TSPAN8: variants seen among roughly 807,000 people sequenced by gnomAD.
TSPAN8 encodes tetraspanin 8, also known as tetraspanin-8.
TSPAN8 carries 21 observed loss-of-function variants against 32.8 expected under a neutral mutation model. That is an observed-to-expected ratio of 0.64 (90% confidence interval 0.45 to 0.92). The LOEUF is 0.92. TSPAN8 is among the 40% of genes least tolerant of loss of function. The pLI is 0.00. For missense variants in TSPAN8, 269 were observed against 281.9 expected (o/e 0.95, Z 0.33); for synonymous variants, 95 against 94.6 (o/e 1.00, Z -0.03).
In TSPAN8 at chr12:71,126,037, C is replaced by T. The variant is rs573267975; in HGVS notation, c.661-650G>A. Among the ~76,000 whole-genome samples, 4 of 152,246 alleles carry T rather than the reference C, an allele frequency of 2.6e-5. No homozygotes were observed. In the South Asian group the frequency reaches 8.3e-4, roughly 32 times the overall value. ...GGACCCCAAAATTTGCTCTAATTGG[C>T]TCTACAGTTGGTGACTTGCATGCTG... On this transcript the variant is annotated intron_variant, in intron 8 of 8. Coordinates refer to ENST00000247829, the MANE Select transcript of TSPAN8 (RefSeq NM_004616.3).
intron 2 of TSPAN8, among the ~76,000 whole-genome samples, chr12:71,145,367 T>C (rs552819431): frequency 2.0e-5 from 3 of 152,248 alleles, no homozygotes; most frequent in African/African-American, 7.2e-5. Flanking sequence ...TATTACATCA[T>C]GAAAACCCGG....
intron 8 of TSPAN8, among the ~76,000 whole-genome samples, chr12:71,127,093 A>G (rs559683885): frequency 6.6e-6 from 1 of 152,228 alleles, no homozygotes; most frequent in Admixed American, 6.5e-5. Flanking sequence ...CTGTGGAGAT[A>G]ATCTGAACAT....
At chr12:71,155,025 C>T (rs1872380754) in intron 2 of TSPAN8, among the ~76,000 whole-genome samples, 1 of 152,174 alleles carries the variant, frequency 6.6e-6, no homozygotes, top group Non-Finnish European at 1.5e-5. Context: ...GAAATACTAA[C>T]TTATCACTGT....
intron 2 of TSPAN8, among the ~76,000 whole-genome samples, chr12:71,155,843 T>C (rs1402316789): frequency 1.3e-5 from 2 of 151,984 alleles, no homozygotes; most frequent in African/African-American, 4.8e-5. Context: ...GCAATTCTCC[T>C]GCCTCAGCCT....
At chr12:71,138,312 T>C in intron 4 of TSPAN8, 82 bp from the exon 5 acceptor site, 1 of 1,262,068 alleles carries the variant, frequency 7.9e-7, no homozygotes, top group Non-Finnish European at 1.1e-6. Context: ...CACTTCTCTC[T>C]ACAGCTGGGA....
At chr12:71,129,262 T>C in intron 8 of TSPAN8, 69 bp downstream of exon 8, 1 of 1,328,552 alleles carries the variant, frequency 7.5e-7, no homozygotes, top group Non-Finnish European at 1.0e-6. Flanking sequence ...TTGTTCACCA[T>C]CAATATTTCT....
At chr12:71,129,991 C>A (rs1462656737) in intron 7 of TSPAN8, among the ~76,000 whole-genome samples, 1 of 148,944 alleles carries the variant, frequency 6.7e-6, no homozygotes, top group Non-Finnish European at 1.5e-5. Context: ...CTCCCTCCAG[C>A]GCTGAAGCTG....
At chr12:71,144,604 TG>T (rs1250078157) in intron 2 of TSPAN8, among the ~76,000 whole-genome samples, 1 of 152,174 alleles carries the variant, frequency 6.6e-6, no homozygotes, top group Admixed American at 6.5e-5. Flanking sequence ...TGAGAAGCTA[TG>T]TTGGACCAGG....
At chr12:71,146,100 A>G (rs547002994) in intron 2 of TSPAN8, among the ~76,000 whole-genome samples, 2 of 152,184 alleles carry the variant, frequency 1.3e-5, no homozygotes, top group South Asian at 4.1e-4. Flanking sequence ...GCCACTGAAA[A>G]TTTTCTGTAA....
At chr12:71,142,599 C>T (rs1427982156) in intron 3 of TSPAN8, among the ~76,000 whole-genome samples, 22 of 152,108 alleles carry the variant, frequency 1.4e-4, no homozygotes, top group Admixed American at 1.4e-3. Flanking sequence ...TTCTTGGGCT[C>T]ACACACCAGA....
intron 2 of TSPAN8, among the ~76,000 whole-genome samples, chr12:71,153,279 G>A (rs1404571005): frequency 1.3e-5 from 2 of 152,158 alleles, no homozygotes; most frequent in Admixed American, 6.5e-5. Context: ...AATAGGTTTC[G>A]TACCTATAAT....
At chr12:71,151,879 G>T (rs115124673) in intron 2 of TSPAN8, among the ~76,000 whole-genome samples, 2,216 of 152,278 alleles carry the variant, frequency 0.015, 57 homozygotes, top group African/African-American at 0.05. Flanking sequence ...CCAGCCTTGG[G>T]GCTGACATAT....
chr12:71,149,213 A>G (rs563270328), intron 2 of TSPAN8, among the ~76,000 whole-genome samples: 86 of 152,108 alleles, frequency 5.7e-4, no homozygotes, highest in African/African-American at 2.0e-3. Flanking sequence ...AAAAATACCA[A>G]AAAAATTAGC....
chr12:71,126,125 C>T (rs1592396660), intron 8 of TSPAN8, among the ~76,000 whole-genome samples: 1 of 152,102 alleles, frequency 6.6e-6, no homozygotes, highest in South Asian at 2.1e-4. Context: ...GTTTCCTCCC[C>T]CACCAGCCCC....
At chr12:71,130,665 G>A (rs974029625) in intron 7 of TSPAN8, among the ~76,000 whole-genome samples, 3 of 152,052 alleles carry the variant, frequency 2.0e-5, no homozygotes, top group Non-Finnish European at 4.4e-5. Flanking sequence ...TGAATGTATT[G>A]AGTTTCTTCA....
intron 2 of TSPAN8, among the ~76,000 whole-genome samples, chr12:71,144,447 T>C (rs1251678743): frequency 6.6e-6 from 1 of 152,188 alleles, no homozygotes; most frequent in Non-Finnish European, 1.5e-5. Flanking sequence ...CACAGCTCTA[T>C]GGACAAGAAG....
Position 71,144,213 on chromosome 12 carries a change from G to T in TSPAN8, c.61C>A (p.Leu21Ile), listed in dbSNP as rs138261756. The T allele has an allele frequency of 3.7e-6, 6 of 1,609,984 alleles. No homozygotes were observed. In the African/African-American group the frequency reaches 6.7e-5, roughly 18 times the overall value. ...SMFTFNFLFW[L>I]CGILILALAI... ...AATGCTAGGATCAAGATACCACATA[G>T]CTGCAGAAAAAAACAAACAAACAAA... Residue 21 changes from leucine (L) to isoleucine (I), a missense_variant and splice_region_variant, in exon 3 of 9, where the codon CTA (leucine) becomes ATA (isoleucine). Coordinates refer to ENST00000247829, the MANE Select transcript of TSPAN8 (RefSeq NM_004616.3).
At position 71,125,310 on chromosome 12, in the gene TSPAN8, C is replaced by T. The variant is rs377180393; in HGVS notation, c.*24G>A. The T allele has an allele frequency of 6.2e-5, 100 of 1,605,096 alleles. 1 individual carries two copies. The highest frequency in any genetic ancestry group is 5.0e-4 in the Middle Eastern group (3 of 6,030). The stretch of plus-strand genomic sequence containing the variant: ...CAACATTTTAAAGGGGTTTGACTGA[C>T]GATAGGTTGATGCATCCACAGATTC... On this transcript the variant is annotated 3_prime_UTR_variant, in exon 9 of 9. Transcript: ENST00000247829.
intron 2 of TSPAN8, among the ~76,000 whole-genome samples, chr12:71,148,509 C>A (rs899276177): frequency 3.3e-5 from 5 of 152,164 alleles, no homozygotes; most frequent in African/African-American, 1.2e-4. Context: ...TCTTCTTTCA[C>A]TGGGGTAGAT....
Sources: allele counts gnomAD v4.1 joint callset (sites outside exome capture counted in the v4.1 genomes callset), GRCh38; gene constraint gnomAD v4.1.1; transcripts MANE v1.5; gene names NCBI Gene and HGNC (gene_info 2026-07-23, HGNC 2026-07-21).